The following LDLRAD3 variants were observed in gnomAD, a reference collection of about 807,000 sequenced individuals.
LDLRAD3 encodes the protein low density lipoprotein receptor class A domain containing 3.
A neutral mutation model predicts 29.4 loss-of-function variants in LDLRAD3; 20 were observed. The observed-to-expected ratio is 0.68, with a 90% CI of 0.48 to 0.99. The LOEUF is 0.99. LDLRAD3 is among the 50% of genes least tolerant of loss of function. LDLRAD3 has a pLI of 0.00. For synonymous variants in LDLRAD3, 157 were observed against 192.7 expected (o/e 0.81, Z 1.53); for missense variants, 420 against 454.3 (o/e 0.92, Z 0.69).
intron 5 of LDLRAD3, among the ~76,000 whole-genome samples, 159 bp from the exon 6 acceptor site, chr11:36,229,001 G>A (rs1855536453): frequency 6.6e-6 from 1 of 152,214 alleles, no homozygotes; most frequent in African/African-American, 2.4e-5. Flanking sequence ...GTGGTTCCTG[G>A]TCCTTGAATT....
chr11:36,008,769 C>T (rs1424376703), intron 1 of LDLRAD3, among the ~76,000 whole-genome samples: 1 of 152,184 alleles, frequency 6.6e-6, no homozygotes, highest in African/African-American at 2.4e-5. Flanking sequence ...CTCTTATTCA[C>T]TGTGTATTCA....
At chr11:36,019,501 T>C (rs1353993129) in intron 1 of LDLRAD3, among the ~76,000 whole-genome samples, 1 of 152,180 alleles carries the variant, frequency 6.6e-6, no homozygotes, top group African/African-American at 2.4e-5. Flanking sequence ...CCTGGCCTCA[T>C]TGTTCATAGG....
intron 1 of LDLRAD3, among the ~76,000 whole-genome samples, chr11:35,964,824 C>T (rs1471825300): frequency 6.6e-6 from 1 of 151,884 alleles, no homozygotes; most frequent in Admixed American, 6.6e-5. Flanking sequence ...CCTGTCTATA[C>T]AAAAAATACA....
intron 4 of LDLRAD3, among the ~76,000 whole-genome samples, chr11:36,208,639 A>G (rs1272946601): frequency 2.6e-5 from 4 of 152,224 alleles, no homozygotes; most frequent in African/African-American, 9.6e-5. Flanking sequence ...GGGTTTTATA[A>G]CTCAGAGAGT....
At chr11:36,061,520 A>C (rs1015977360) in intron 2 of LDLRAD3, among the ~76,000 whole-genome samples, 3 of 152,134 alleles carry the variant, frequency 2.0e-5, no homozygotes, top group Non-Finnish European at 4.4e-5. Context: ...CTGAGCTGCT[A>C]AGCAGCAGCT....
In LDLRAD3 at chr11:36,213,276, C is replaced by T. The variant is rs1013091715; in HGVS notation, c.455-13809C>T. Reference sequence around the variant, plus strand: ...CCCTGCTGTGGCCGGTCTGAGGTTGCGCAGCTCCAGTTTTCCCATCACCCT... The same window carrying T: ...CCCTGCTGTGGCCGGTCTGAGGTTGTGCAGCTCCAGTTTTCCCATCACCCT... On this transcript the variant is annotated intron_variant, in intron 4 of 5. Transcript: ENST00000315571. This position sits in a 1 kb window ranked among gnomAD's most constrained non-coding sequence, Gnocchi z 4.1. Among the ~76,000 whole-genome samples, 1 of 152,190 alleles carries T rather than the reference C, an allele frequency of 6.6e-6. No individual in the cohort carries two copies. Among genetic ancestry groups the T allele is most frequent in the Non-Finnish European group, 1.5e-5 (1 of 68,038 alleles).
chr11:36,176,688 A>C (rs1854680876), intron 4 of LDLRAD3, among the ~76,000 whole-genome samples: 1 of 152,158 alleles, frequency 6.6e-6, no homozygotes, highest in Non-Finnish European at 1.5e-5. Flanking sequence ...TCCGCCGTTA[A>C]TCTGATAGGT....
At chr11:36,093,748 G>A (rs1267848690) in intron 3 of LDLRAD3, among the ~76,000 whole-genome samples, 1 of 152,198 alleles carries the variant, frequency 6.6e-6, no homozygotes, top group African/African-American at 2.4e-5. Flanking sequence ...CTGACAATTT[G>A]AAGGGTGAAT....
At chr11:36,146,427 C>T (rs1282305157) in intron 4 of LDLRAD3, among the ~76,000 whole-genome samples, 2 of 152,270 alleles carry the variant, frequency 1.3e-5, no homozygotes, top group East Asian at 1.9e-4. Context: ...TTGAGATTAT[C>T]CTGTAAAGAG....
At chr11:36,174,953 G>A (rs1441409953) in intron 4 of LDLRAD3, among the ~76,000 whole-genome samples, 1 of 152,124 alleles carries the variant, frequency 6.6e-6, no homozygotes, top group African/African-American at 2.4e-5. Flanking sequence ...CTCCACTCCA[G>A]CCTGGGGACA....
At chr11:36,170,549 G>C (rs927888891) in intron 4 of LDLRAD3, among the ~76,000 whole-genome samples, 1 of 151,898 alleles carries the variant, frequency 6.6e-6, no homozygotes, top group African/African-American at 2.4e-5. Flanking sequence ...TCAAATGATA[G>C]ATCTACTTTT....
intron 1 of LDLRAD3, among the ~76,000 whole-genome samples, chr11:36,023,027 G>A (rs1013244752): frequency 3.9e-5 from 6 of 152,166 alleles, no homozygotes; most frequent in Non-Finnish European, 5.9e-5. Flanking sequence ...GCCTGTCGTC[G>A]TGCTCAGGAG....
intron 4 of LDLRAD3, among the ~76,000 whole-genome samples, chr11:36,105,878 C>G (rs1046990528): frequency 1.3e-5 from 2 of 152,168 alleles, no homozygotes; most frequent in African/African-American, 4.8e-5. Context: ...CTAATACAGT[C>G]CCCGAGAAGT....
At chr11:36,069,410 A>G (rs1463811567) in intron 2 of LDLRAD3, among the ~76,000 whole-genome samples, 1 of 152,262 alleles carries the variant, frequency 6.6e-6, no homozygotes. Flanking sequence ...GACTGAATAT[A>G]TTAATAGCAG....
At chr11:36,185,893 T>G (rs532217975) in intron 4 of LDLRAD3, among the ~76,000 whole-genome samples, 1 of 152,362 alleles carries the variant, frequency 6.6e-6, no homozygotes. Context: ...AAGAGACGCC[T>G]TTGTGACCCT....
At chr11:36,159,996 C>T (rs773066759) in intron 4 of LDLRAD3, among the ~76,000 whole-genome samples, 2 of 152,176 alleles carry the variant, frequency 1.3e-5, no homozygotes, top group South Asian at 2.1e-4. Context: ...CTCAGTCCCA[C>T]GTTGCTGCAC....
intron 1 of LDLRAD3, chr11:35,968,019 T>C: frequency 2.2e-6 from 1 of 454,874 alleles, no homozygotes; most frequent in South Asian, 1.6e-5. Flanking sequence ...TTTAATGCAC[T>C]TGTAGACTGT....
intron 4 of LDLRAD3, among the ~76,000 whole-genome samples, chr11:36,193,196 G>C (rs1214365077): frequency 6.6e-6 from 1 of 152,134 alleles, no homozygotes; most frequent in Non-Finnish European, 1.5e-5. Context: ...GGAACATTCT[G>C]TGAGCCAATG....
rs930412630 is a variant in LDLRAD3 at position 36,166,312 on chromosome 11, A to G, written c.455-60773A>G. 1.1e-4 allele frequency among the ~76,000 whole-genome samples: 16 copies of G among 152,316 alleles called. 2 individuals are homozygous for G. Among genetic ancestry groups the G allele is most frequent in the Admixed American group, 9.2e-4 (14 of 15,300 alleles). On this transcript the variant is annotated intron_variant, in intron 4 of 5. Transcript: ENST00000315571. The stretch of plus-strand genomic sequence containing the variant: ...GCCTAGAGCAAGACATGAGTATTCA[A>G]GTGAGACACTGTCACCAGGTAATCA...
Sources: gnomAD v4.1 joint callset for allele counts (sites outside exome capture counted in the v4.1 genomes callset) on GRCh38, gnomAD v4.1.1 for gene constraint, Gnocchi (gnomAD v3.1) non-coding constraint, MANE v1.5 for transcripts, NCBI Gene and HGNC (gene_info 2026-07-23, HGNC 2026-07-21) for gene names.